LRP1B: variants seen among roughly 807,000 people sequenced by gnomAD.
LRP1B encodes low-density lipoprotein receptor-related protein 1B.
Under a neutral mutation model 556.6 loss-of-function variants are expected in LRP1B, and 217 were observed. The ratio of observed to expected loss-of-function variants is 0.39; its 90% CI spans 0.35 to 0.44. The LOEUF (loss-of-function observed/expected upper bound fraction) is 0.44. Ranked by LOEUF, LRP1B falls within the 20% of genes least tolerant of loss-of-function variation. LRP1B has a pLI of 1.00. For missense variants in LRP1B, 5,053 were observed against 5,620.8 expected, an observed-to-expected ratio of 0.90 and a Z score of 3.23; for synonymous variants, 2,047 against 1,865.8, an observed-to-expected ratio of 1.10 and a Z score of -2.50.
At chr2:141,337,428 G>T (rs1687887271) in intron 3 of LRP1B, among the ~76,000 whole-genome samples, 2 of 152,108 alleles carry the variant, frequency 1.3e-5, no homozygotes, top group African/African-American at 4.8e-5. Context: ...TGAATTCTGA[G>T]ATGTCTTTAT....
At chr2:140,427,254 G>A (rs13007077) in intron 66 of LRP1B, among the ~76,000 whole-genome samples, 19,671 of 151,836 alleles carry the variant, frequency 0.13, 1,445 homozygotes, top group African/African-American at 0.2. Context: ...ATTCACCCAC[G>A]TTCCCTTGGT....
chr2:140,750,985 T>C (rs1054261251), intron 35 of LRP1B, among the ~76,000 whole-genome samples: 24 of 114,972 alleles, frequency 2.1e-4, no homozygotes, highest in Middle Eastern at 6.9e-3. Context: ...ATAACTCTTT[T>C]TTTTTCTTTT....
At chr2:141,780,955 G>A (rs959003962) in intron 2 of LRP1B, among the ~76,000 whole-genome samples, 8 of 151,944 alleles carry the variant, frequency 5.3e-5, no homozygotes, top group Admixed American at 1.3e-4. Context: ...TATTATTTTC[G>A]ATTGCAAGTC....
chr2:141,531,144 A>G lies in LRP1B; in HGVS notation c.206-50611T>C, dbSNP rs369679147. On this transcript the variant is annotated intron_variant, in intron 2 of 90. Transcript: ENST00000389484. ...GTATCTGCATTGGATAGATGTAGCT[A>G]TAGAATGCCGCTCTGTACCTGGGAG... Among the ~76,000 whole-genome samples the G allele has an allele frequency of 5.9e-5, 9 of 152,254 alleles. No individual in the cohort carries two copies. The East Asian group carries it at 1.7e-3, about 29-fold the overall frequency.
chr2:141,441,981 A>T (rs74871811), intron 3 of LRP1B, among the ~76,000 whole-genome samples: 6,307 of 152,232 alleles, frequency 0.041, 184 homozygotes, highest in Non-Finnish European at 0.059. Context: ...CTCTTAAAAC[A>T]TCACCCAGGA....
intron 34 of LRP1B, among the ~76,000 whole-genome samples, chr2:140,770,240 T>C (rs548097427): frequency 7.2e-5 from 11 of 151,990 alleles, no homozygotes; most frequent in African/African-American, 2.4e-4. Context: ...ATAAGTATCA[T>C]ATAAATATTG....
intron 41 of LRP1B, among the ~76,000 whole-genome samples, chr2:140,681,253 A>G (rs1162419906): frequency 1.3e-5 from 2 of 152,218 alleles, no homozygotes; most frequent in Admixed American, 1.3e-4. Flanking sequence ...CACTTAGCAT[A>G]TATTAAATAC....
At chr2:141,645,733 G>A (rs576341730) in intron 2 of LRP1B, among the ~76,000 whole-genome samples, 1 of 151,768 alleles carries the variant, frequency 6.6e-6, no homozygotes, top group Non-Finnish European at 1.5e-5. Flanking sequence ...GGTCTTAAAT[G>A]GCCTCACCAT....
chr2:140,282,404 A>T (rs915913083), intron 84 of LRP1B, among the ~76,000 whole-genome samples: 3 of 151,808 alleles, frequency 2.0e-5, no homozygotes, highest in African/African-American at 7.3e-5. Flanking sequence ...TTGCACACAA[A>T]CAAGAGGTAG....
intron 1 of LRP1B, among the ~76,000 whole-genome samples, chr2:141,971,004 A>G (rs1701715585): frequency 6.6e-6 from 1 of 151,554 alleles, no homozygotes; most frequent in Admixed American, 6.6e-5. Flanking sequence ...TTCACTTTAT[A>G]ACAACTCATG....
chr2:141,354,286 T>C (rs926614910), intron 3 of LRP1B, among the ~76,000 whole-genome samples: 11 of 152,026 alleles, frequency 7.2e-5, no homozygotes, highest in African/African-American at 2.7e-4. Context: ...TTCAGAGATA[T>C]CACTAAACCA....
intron 43 of LRP1B, among the ~76,000 whole-genome samples, chr2:140,572,422 A>G (rs56111246): frequency 0.41 from 62,788 of 151,558 alleles, 13,282 homozygotes; most frequent in Middle Eastern, 0.57. Flanking sequence ...CATGAGGGAA[A>G]TGCAAATCAA....
At chr2:140,493,477 T>C (rs1574001057) in intron 56 of LRP1B, among the ~76,000 whole-genome samples, 1 of 152,158 alleles carries the variant, frequency 6.6e-6, no homozygotes, top group Non-Finnish European at 1.5e-5. Context: ...CTTTTCTATT[T>C]ATTTAAATAT....
intron 43 of LRP1B, among the ~76,000 whole-genome samples, chr2:140,569,757 A>T (rs79029748): frequency 0.035 from 5,352 of 151,978 alleles, 316 homozygotes; most frequent in African/African-American, 0.12. Flanking sequence ...TTTCATGAGC[A>T]CATGGGACAT....
chr2:140,668,153 A>C (rs193003528), intron 41 of LRP1B, among the ~76,000 whole-genome samples: 243 of 152,074 alleles, frequency 1.6e-3, no homozygotes, highest in Admixed American at 3.9e-3. Context: ...TCTACTAAAA[A>C]TACAAAAATT....
chr2:140,901,720 A>G lies in LRP1B; in HGVS notation c.3766+1200T>C, dbSNP rs188378495. ...AAAGTATAGATGAGAAAACATATTGAAGTGCACTTATTGAAATTAAATAAT... is the reference window on the plus strand; with the variant it reads ...AAAGTATAGATGAGAAAACATATTGGAGTGCACTTATTGAAATTAAATAAT... On this transcript the variant is annotated intron_variant, in intron 23 of 90. Transcript: ENST00000389484. 2.2e-3 allele frequency among the ~76,000 whole-genome samples: 340 copies of G among 152,324 alleles called. 1 individual carries two copies. Among genetic ancestry groups the G allele is most frequent in the African/African-American group, 7.6e-3 (317 of 41,580 alleles).
chr2:141,104,413 G>A (rs1002421198), intron 7 of LRP1B, among the ~76,000 whole-genome samples: 3 of 152,012 alleles, frequency 2.0e-5, no homozygotes, highest in Non-Finnish European at 4.4e-5. Flanking sequence ...ACTAAGAATC[G>A]TGACTGGTGG....
At chr2:141,696,766 A>T in intron 2 of LRP1B, among the ~76,000 whole-genome samples, 1 of 151,966 alleles carries the variant, frequency 6.6e-6, no homozygotes, top group East Asian at 1.9e-4. Context: ...AAGAAACTAA[A>T]TATGTAGAAG....
At chr2:141,459,796 C>G (rs922331553) in intron 3 of LRP1B, among the ~76,000 whole-genome samples, 2 of 152,138 alleles carry the variant, frequency 1.3e-5, no homozygotes, top group African/African-American at 4.8e-5. Context: ...GTCCATGAAA[C>G]CTCTTTCTTT....
Sources: gnomAD v4.1 joint callset for allele counts (sites outside exome capture counted in the v4.1 genomes callset) on GRCh38, gnomAD v4.1.1 for gene constraint, MANE v1.5 for transcripts, NCBI Gene and HGNC (gene_info 2026-07-23, HGNC 2026-07-21) for gene names.